ST6GALNAC3: variants seen among roughly 807,000 people sequenced by gnomAD.
The protein encoded by ST6GALNAC3 is alpha-N-acetylgalactosaminide alpha-2,6-sialyltransferase 3.
Under a neutral mutation model 32.7 loss-of-function variants are expected in ST6GALNAC3, and 25 were observed. The observed-to-expected ratio is 0.76, with a 90% confidence interval of 0.56 to 1.07. The LOEUF (loss-of-function observed/expected upper bound fraction) is 1.07. ST6GALNAC3 is among the 50% of genes least tolerant of loss of function. ST6GALNAC3 has a pLI of 0.00. For missense variants in ST6GALNAC3, 355 were observed against 382.4 expected (o/e 0.93, Z 0.60); for synonymous variants, 129 against 133.1 (o/e 0.97, Z 0.21).
intron 1 of ST6GALNAC3, among the ~76,000 whole-genome samples, chr1:76,110,218 GGAAA>G (rs1480924065): frequency 6.6e-6 from 1 of 152,150 alleles, no homozygotes; most frequent in East Asian, 1.9e-4. Context: ...CCTGCTCTAA[GGAAA>G]GAAATAGGTC....
At chr1:76,521,489 GGATTACAGTTGTGAGCCAT>G (rs1438479064) in intron 3 of ST6GALNAC3, among the ~76,000 whole-genome samples, 1 of 151,906 alleles carries the variant, frequency 6.6e-6, no homozygotes, top group African/African-American at 2.4e-5. Flanking sequence ...TGAATAGCTG[GGATTACAGTTGTGAGCCAT>G]GGCACCTGGC....
intron 1 of ST6GALNAC3, among the ~76,000 whole-genome samples, chr1:76,104,473 G>C (rs1359205447): frequency 6.6e-6 from 1 of 152,136 alleles, no homozygotes; most frequent in Non-Finnish European, 1.5e-5. Flanking sequence ...CACCTGGTCA[G>C]TTCCCCCATC....
chr1:76,195,087 T>C lies in ST6GALNAC3; in HGVS notation c.19-118718T>C, dbSNP rs575363433. ...GAAAAGGCTTTATGTACTGGGAAGC[T>C]TTCAAGCCCATGATGGCAGATGTGA... On this transcript the variant is annotated intron_variant, in intron 1 of 4. Coordinates refer to ENST00000328299, the MANE Select transcript of ST6GALNAC3 (RefSeq NM_152996.4). Among the ~76,000 whole-genome samples the C allele has an allele frequency of 2.6e-5, 4 of 152,328 alleles. No homozygotes were observed. The East Asian group carries it at 7.7e-4, about 29-fold the overall frequency.
chr1:76,333,591 A>G (rs143807435), intron 2 of ST6GALNAC3, among the ~76,000 whole-genome samples: 16 of 152,242 alleles, frequency 1.1e-4, no homozygotes, highest in Non-Finnish European at 2.2e-4. Context: ...CATCAGTTAA[A>G]ATTTTTCTAT....
chr1:76,450,491 G>T (rs1356324662), intron 3 of ST6GALNAC3, among the ~76,000 whole-genome samples: 1 of 152,084 alleles, frequency 6.6e-6, no homozygotes, highest in African/African-American at 2.4e-5. Context: ...TGTATAGATT[G>T]TGAAGATTTT....
chr1:76,463,083 G>T (rs1322456292), intron 3 of ST6GALNAC3, among the ~76,000 whole-genome samples: 3 of 152,034 alleles, frequency 2.0e-5, no homozygotes, highest in Non-Finnish European at 4.4e-5. Flanking sequence ...TTTAATCCCA[G>T]TGCAATTATT....
chr1:76,297,435 C>T (rs1660468106), intron 1 of ST6GALNAC3, among the ~76,000 whole-genome samples: 1 of 151,804 alleles, frequency 6.6e-6, no homozygotes, highest in African/African-American at 2.4e-5. Flanking sequence ...TGTATTCTAA[C>T]TTATTGGGGT....
intron 1 of ST6GALNAC3, among the ~76,000 whole-genome samples, chr1:76,153,969 C>T (rs1651217369): frequency 6.6e-6 from 1 of 152,150 alleles, no homozygotes; most frequent in South Asian, 2.1e-4. Flanking sequence ...GGCTTGGGTT[C>T]CGTCACAGTG....
At chr1:76,548,140 C>A (rs937840443) in intron 3 of ST6GALNAC3, among the ~76,000 whole-genome samples, 2 of 152,140 alleles carry the variant, frequency 1.3e-5, no homozygotes, top group African/African-American at 4.8e-5. Flanking sequence ...ACATACTGCT[C>A]CTCCCTCTGC....
At chr1:76,385,238 A>C (rs1251492655) in intron 2 of ST6GALNAC3, among the ~76,000 whole-genome samples, 1 of 152,150 alleles carries the variant, frequency 6.6e-6, no homozygotes, top group Non-Finnish European at 1.5e-5. Context: ...ATTCTGTATC[A>C]GTCATGAGAC....
At chr1:76,146,585 C>G in intron 1 of ST6GALNAC3, among the ~76,000 whole-genome samples, 1 of 152,142 alleles carries the variant, frequency 6.6e-6, no homozygotes, top group East Asian at 1.9e-4. Context: ...TTTCTTTTCT[C>G]TCTCCCAAAT....
rs372437580 is a variant in ST6GALNAC3 at position 76,148,999 on chromosome 1, T to A, written c.18+74115T>A. 3.9e-5 allele frequency among the ~76,000 whole-genome samples: 6 copies of A among 152,234 alleles called. No individual in the cohort carries two copies. In the East Asian group the frequency reaches 1.2e-3, roughly 29 times the overall value. Reference sequence around the variant, plus strand: ...ATTCCCGTTGCCGAGCCTTAGTTTCTTTGTCTGTCAAATGGGTATAACAAT... The same window carrying A: ...ATTCCCGTTGCCGAGCCTTAGTTTCATTGTCTGTCAAATGGGTATAACAAT... On this transcript the variant is annotated intron_variant, in intron 1 of 4. Coordinates refer to ENST00000328299, the MANE Select transcript of ST6GALNAC3 (RefSeq NM_152996.4).
chr1:76,548,688 T>C (rs1664442378), intron 3 of ST6GALNAC3, among the ~76,000 whole-genome samples: 1 of 152,254 alleles, frequency 6.6e-6, no homozygotes, highest in East Asian at 1.9e-4. Flanking sequence ...CCAACCTCTA[T>C]AGTAAAGGAA....
chr1:76,591,181 ATGTG>A (rs5775352), intron 3 of ST6GALNAC3, among the ~76,000 whole-genome samples: 1 of 149,634 alleles, frequency 6.7e-6, no homozygotes, highest in African/African-American at 2.4e-5. Flanking sequence ...CTGTGTGCGT[ATGTG>A]TGTGTGTGTG....
At chr1:76,560,850 A>G (rs1320010218) in intron 3 of ST6GALNAC3, among the ~76,000 whole-genome samples, 1 of 152,216 alleles carries the variant, frequency 6.6e-6, no homozygotes, top group Non-Finnish European at 1.5e-5. Context: ...ACCAAAAGAA[A>G]GGAAATCAGT....
chr1:76,375,966 C>CTA (rs1651193195), intron 2 of ST6GALNAC3, among the ~76,000 whole-genome samples: 1 of 152,032 alleles, frequency 6.6e-6, no homozygotes, highest in Admixed American at 6.6e-5. Context: ...TATGAAGAGA[C>CTA]TATAGACTAA....
intron 3 of ST6GALNAC3, among the ~76,000 whole-genome samples, chr1:76,598,013 C>T (rs1272037573): frequency 1.3e-5 from 2 of 152,132 alleles, no homozygotes; most frequent in Non-Finnish European, 2.9e-5. Flanking sequence ...AAGTTTATTA[C>T]TCACAGTTCT....
chr1:76,612,374 G>A (rs745745862), intron 3 of ST6GALNAC3, among the ~76,000 whole-genome samples: 12 of 152,194 alleles, frequency 7.9e-5, no homozygotes, highest in Non-Finnish European at 1.8e-4. Context: ...AGAAACAGAT[G>A]CAAAAGACAA....
At chr1:76,450,554 T>C (rs529611101) in intron 3 of ST6GALNAC3, among the ~76,000 whole-genome samples, 1 of 152,266 alleles carries the variant, frequency 6.6e-6, no homozygotes, top group South Asian at 2.1e-4. Context: ...CTGTGCCTTT[T>C]AGTTCAATTA....
Sources: gnomAD v4.1 joint callset for allele counts (sites outside exome capture counted in the v4.1 genomes callset) on GRCh38, gnomAD v4.1.1 for gene constraint, MANE v1.5 for transcripts, NCBI Gene and HGNC (gene_info 2026-07-23, HGNC 2026-07-21) for gene names.